ARMCX4: variants seen among roughly 807,000 people sequenced by gnomAD.
ARMCX4 encodes the protein armadillo repeat-containing X-linked protein 4.
Under a neutral mutation model 34.7 loss-of-function variants are expected in ARMCX4, and 3 were observed. The ratio of observed to expected loss-of-function variants is 0.09; its 90% confidence interval spans 0.04 to 0.22. The LOEUF (loss-of-function observed/expected upper bound fraction) is 0.22. ARMCX4 is among the 10% of genes least tolerant of loss of function. The pLI is 1.00. For missense variants in ARMCX4, 1,448 were observed against 1,720.8 expected (o/e 0.84, Z 2.81); for synonymous variants, 513 against 632.8 (o/e 0.81, Z 2.84).
In ARMCX4 at chrX:101,493,496, C is replaced by T. The variant is rs1556010386; in HGVS notation, c.4907C>T (p.Ala1636Val). The stretch of plus-strand genomic sequence containing the variant: ...GACCAGTCCAGTGGTGGGTCCTGGG[C>T]TGGCACTGGGAATCAGTCCAGTGGA... ...PADQSSGGSWAGTGNQSSGRS... is the reference protein window; with the variant it reads ...PADQSSGGSWVGTGNQSSGRS... Residue 1636 changes from alanine (A) to valine (V), a missense_variant, in exon 6 of 6, where the codon GCT becomes GTT. Transcript: ENST00000423738. The T allele has an allele frequency of 8.7e-7, 1 of 1,155,270 alleles. No individual in the cohort carries two copies. Among genetic ancestry groups the T allele is most frequent in the South Asian group, 1.9e-5 (1 of 52,632 alleles).
At position 101,493,586 on chromosome X, in the gene ARMCX4, C is replaced by A; in HGVS notation, c.4997C>A (p.Ala1666Asp). The A allele has an allele frequency of 8.7e-7, 1 of 1,153,322 alleles. No individual in the cohort carries two copies. The highest frequency in any genetic ancestry group is 1.1e-6 in the Non-Finnish European group (1 of 872,026). Residue 1666 changes from alanine to aspartate, a missense_variant, in exon 6 of 6, where the codon GCT becomes GAT. Ala to Asp is a moderately radical substitution (Grantham distance 126, BLOSUM62 -2). Around this residue, in one of 2 missense-constraint regions of ARMCX4, gnomAD observed 1,343 missense variants for 1,540.7 expected, o/e 0.87. Transcript: ENST00000423738. ...DCSKPEFEDQ[A>D]CGGGSWAGAG... ...TCCAAGCCTGAATTTGAGGATCAGGCTTGTGGAGGAGGCTCCTGGGCTGGT... is the reference window on the plus strand; with the variant it reads ...TCCAAGCCTGAATTTGAGGATCAGGATTGTGGAGGAGGCTCCTGGGCTGGT...
At chrX:101,528,957 T>C (rs935655579) in intron 11 of ARMCX4, among the ~76,000 whole-genome samples, 4 of 111,662 alleles carry the variant, frequency 3.6e-5, no homozygotes, top group African/African-American at 1.3e-4. Context: ...TACCAATGAC[T>C]TTCTTCACAG....
At chrX:101,515,347 C>CTT (rs1250406120) in intron 11 of ARMCX4, among the ~76,000 whole-genome samples, 2 of 29,021 alleles carry the variant, frequency 6.9e-5, no homozygotes, top group Non-Finnish European at 1.3e-4. Flanking sequence ...CTTTCCTTTT[C>CTT]TTTCTTTCTT....
chrX:101,489,053 C>G lies in ARMCX4; in HGVS notation c.464C>G (p.Ala155Gly). 8.6e-7 allele frequency: 1 copy of G among 1,156,122 alleles called. No homozygotes were observed. Among genetic ancestry groups the G allele is most frequent in the Non-Finnish European group, 1.1e-6 (1 of 873,039 alleles). The change falls in exon 6 of 6, where the codon GCT (alanine) becomes GGT (glycine). Residue 155 changes from alanine (A) to glycine (G), a missense_variant. Ala to Gly is a moderately conservative substitution (Grantham distance 60, BLOSUM62 0). This residue lies in a region of ARMCX4 where 1,343 missense variants were observed against 1,540.7 expected (regional missense o/e 0.87). Coordinates refer to ENST00000423738, the MANE Select transcript of ARMCX4 (RefSeq NM_001256155.3). ...KEAVTQTDAE[A>G]GKIVKKEAVT... ...GCAGTGACCCAAACTGATGCTGAGG[C>G]TGGCAAAATAGTTAAGAAAGAAGCA...
chrX:101,474,644 G>T (rs2147634380), intron 4 of ARMCX4, among the ~76,000 whole-genome samples: 1 of 105,332 alleles, frequency 9.5e-6, no homozygotes, highest in South Asian at 4.5e-4. Context: ...GGGATGCAAG[G>T]CTGGTTCAAT....
intron 4 of ARMCX4, among the ~76,000 whole-genome samples, chrX:101,473,153 C>G (rs1464663538): frequency 1.8e-5 from 2 of 110,793 alleles, no homozygotes; most frequent in Non-Finnish European, 3.8e-5. Flanking sequence ...GCAGGGGTTG[C>G]GATCCTAGTC....
chrX:101,463,300 A>G (rs1164523280), intron 4 of ARMCX4, among the ~76,000 whole-genome samples: 1 of 111,205 alleles, frequency 9.0e-6, no homozygotes, highest in African/African-American at 3.3e-5. Context: ...CACCCAAGAG[A>G]ACTATGCACT....
At chrX:101,534,899 C>T (rs189866721), downstream of ARMCX4, among the ~76,000 whole-genome samples, 343 of 111,835 alleles carry the variant, frequency 3.1e-3, 11 homozygotes, top group Admixed American at 0.027. Flanking sequence ...TGCGCATTCC[C>T]CTGTTGAGTA....
At chrX:101,522,872 TTAGA>T (rs1440515317) in intron 11 of ARMCX4, among the ~76,000 whole-genome samples, 1 of 112,328 alleles carries the variant, frequency 8.9e-6, no homozygotes, top group Non-Finnish European at 1.9e-5. Flanking sequence ...GTCTTGTAAG[TTAGA>T]TAGGAGAAAA....
chrX:101,493,355 C>T lies in ARMCX4; in HGVS notation c.4766C>T (p.Ala1589Val). The T allele has an allele frequency of 3.5e-6, 4 of 1,155,190 alleles. No individual in the cohort carries two copies. The highest frequency in any genetic ancestry group is 2.3e-4 in the Middle Eastern group (1 of 4,304). Residue 1589 changes from alanine to valine, a missense_variant, in exon 6 of 6, where the codon GCT becomes GTT. This residue lies in a region of ARMCX4 where 1,343 missense variants were observed against 1,540.7 expected (regional missense o/e 0.87). Coordinates refer to ENST00000423738, the MANE Select transcript of ARMCX4 (RefSeq NM_001256155.3). Reference protein sequence around the residue: ...QAIGGGFWPGAGDQTGGGSRP... With the variant: ...QAIGGGFWPGVGDQTGGGSRP... ...ATTGGAGGGGGGTTCTGGCCTGGTGCTGGGGACCAGACTGGTGGAGGCTCC... is the reference window on the plus strand; with the variant it reads ...ATTGGAGGGGGGTTCTGGCCTGGTGTTGGGGACCAGACTGGTGGAGGCTCC...
At chrX:101,447,772 A>G (rs1390032483), downstream of ARMCX4, 1 of 111,211 alleles carries the variant, frequency 9.0e-6, no homozygotes, top group Non-Finnish European at 1.9e-5. Flanking sequence ...GGCATGCAAT[A>G]TGTAATAATC....
upstream of ARMCX4, among the ~76,000 whole-genome samples, chrX:101,481,575 G>T (rs1012666360): frequency 5.4e-5 from 6 of 111,894 alleles, no homozygotes; most frequent in Non-Finnish European, 9.4e-5. Flanking sequence ...TGGGGAAATA[G>T]ATCCTGTCTT....
chrX:101,426,951 C>T (rs184030293), intron 2 of ARMCX4, among the ~76,000 whole-genome samples: 2 of 112,343 alleles, frequency 1.8e-5, no homozygotes, highest in African/African-American at 6.5e-5. Context: ...GCTTGATGGT[C>T]TGTCCAGTGA....
chrX:101,489,394 A>G lies in ARMCX4; in HGVS notation c.805A>G (p.Arg269Gly). ...TAGGGGAAATCCCAATGGCATGTCC[A>G]GGGAGGTGGCTGGAGTGGACATGAA... Reference protein sequence around the residue: ...DARGNPNGMSREVAGVDMKSC... With the variant: ...DARGNPNGMSGEVAGVDMKSC... The change falls in exon 6 of 6, where the codon AGG becomes GGG. Residue 269 changes from arginine (R) to glycine (G), a missense_variant. Physicochemically the swap from Arg to Gly is moderately radical, Grantham distance 125. Coordinates refer to ENST00000423738, the MANE Select transcript of ARMCX4 (RefSeq NM_001256155.3). 1 of 1,155,890 alleles carries G rather than the reference A, an allele frequency of 8.7e-7. No homozygotes were observed. Among genetic ancestry groups the G allele is most frequent in the Non-Finnish European group, 1.1e-6 (1 of 872,892 alleles).
chrX:101,458,177 T>C (rs1293917815), intron 4 of ARMCX4, among the ~76,000 whole-genome samples: 1 of 110,501 alleles, frequency 9.0e-6, no homozygotes, highest in Non-Finnish European at 1.9e-5. Context: ...ATTCTTAGAG[T>C]TTTAACATAT....
chrX:101,435,818 G>C (rs1169057175), intron 2 of ARMCX4, among the ~76,000 whole-genome samples: 1 of 110,611 alleles, frequency 9.0e-6, no homozygotes, highest in Non-Finnish European at 1.9e-5. Flanking sequence ...ATTAATTTTT[G>C]TGTAAGGTGT....
At chrX:101,507,273 C>T (rs1556015370) in intron 8 of ARMCX4, among the ~76,000 whole-genome samples, 1 of 111,605 alleles carries the variant, frequency 9.0e-6, no homozygotes, top group Non-Finnish European at 1.9e-5. Context: ...CATGTAATAG[C>T]TACATGATCT....
chrX:101,465,844 A>T (rs1164520493), intron 4 of ARMCX4, among the ~76,000 whole-genome samples: 2 of 112,347 alleles, frequency 1.8e-5, no homozygotes, highest in Non-Finnish European at 3.8e-5. Context: ...AACACAGTGT[A>T]TATCCTTTAG....
upstream of ARMCX4, among the ~76,000 whole-genome samples, chrX:101,480,561 G>T (rs1556005251): frequency 9.0e-6 from 1 of 110,980 alleles, no homozygotes; most frequent in Admixed American, 9.6e-5. Context: ...GCGAAACCCT[G>T]TCTAAAAAAG....
Sources: allele counts gnomAD v4.1 joint callset (sites outside exome capture counted in the v4.1 genomes callset), GRCh38; gene constraint gnomAD v4.1.1; regional missense constraint gnomAD v4.1.1; transcripts MANE v1.5; gene names NCBI Gene and HGNC (gene_info 2026-07-23, HGNC 2026-07-21).